Variants in CLDN34 observed in about 807,000 individuals in gnomAD.
CLDN34 encodes claudin 34, also known as claudin-34.
For synonymous variants in CLDN34, 71 were observed against 65.0 expected (o/e 1.09, Z -0.45); for missense variants, 166 against 171.5 (o/e 0.97, Z 0.18).
chrX:9,968,125 A>T lies in CLDN34; in HGVS notation c.*123A>T, dbSNP rs1458085566. 3.1e-6 allele frequency: 2 copies of T among 653,048 alleles called. No homozygotes were observed. The highest frequency in any genetic ancestry group is 7.1e-5 in the East Asian group (2 of 28,296). 53.8% of individuals were successfully genotyped at this position (653,048 alleles called of 1,213,427 possible). A position where few individuals can be genotyped will look rare whatever the true frequency, so the allele number is the denominator to read the frequency against. ...CCGTGGCATGGGTAGTTTGGGACAG[A>T]AGGTGGCCAACTGCCTCCTTCTGTT... On this transcript the variant is annotated 3_prime_UTR_variant, in exon 1 of 1. Coordinates refer to ENST00000445307, the MANE Select transcript of CLDN34 (RefSeq NM_001195081.2).
rs1469472045 is a variant in CLDN34 at position 9,967,822 on chromosome X, A to C, written c.465A>C (p.Ser155=). The C allele has an allele frequency of 1.7e-6, 2 of 1,155,400 alleles. No individual in the cohort carries two copies. Among genetic ancestry groups the C allele is most frequent in the Non-Finnish European group, 2.3e-6 (2 of 872,648 alleles). ...AGAACTACGATGCCGTCATAAACTC[A>C]CAGGGGATCACCTTCCTGCCATCTC... The part of the protein sequence containing the change: ...VLQNYDAVIN[S]QGITFLPSLQ... The change falls in exon 1 of 1, where the codon TCA becomes TCC. Residue 155 remains serine, a synonymous_variant. Coordinates refer to ENST00000445307, the MANE Select transcript of CLDN34 (RefSeq NM_001195081.2).
chrX:9,967,445 G>A lies in CLDN34; in HGVS notation c.88G>A (p.Gly30Ser), dbSNP rs1012476641. ...ATGGATCCTCTCCTCTACGTCCACGGGCCTCGTGGAGTGGCGAATATGGTA... is the reference window on the plus strand; with the variant it reads ...ATGGATCCTCTCCTCTACGTCCACGAGCCTCGTGGAGTGGCGAATATGGTA... ...IGWILSSTST[G>S]LVEWRIWYMK... is the part of the protein sequence containing the mutation. Residue 30 changes from glycine to serine, a missense_variant, in exon 1 of 1, where the codon GGC becomes AGC. By Grantham distance (56) the Gly-to-Ser change is moderately conservative (BLOSUM62 0). Coordinates refer to ENST00000445307, the MANE Select transcript of CLDN34 (RefSeq NM_001195081.2). 11 of 1,150,992 alleles carry A rather than the reference G, an allele frequency of 9.6e-6. No homozygotes were observed. Among genetic ancestry groups the A allele is most frequent in the Non-Finnish European group, 1.3e-5 (11 of 870,322 alleles). 94.9% of individuals were successfully genotyped at this position (1,150,992 alleles called of 1,213,427 possible). A position where few individuals can be genotyped will look rare whatever the true frequency, so the allele number is the denominator to read the frequency against.
Position 9,968,351 on chromosome X carries a change from C to T in CLDN34, c.*349C>T, listed in dbSNP as rs1010009787. 3.6e-6 allele frequency: 1 copy of T among 274,889 alleles called. No homozygotes were observed. Among genetic ancestry groups the T allele is most frequent in the Non-Finnish European group, 6.7e-6 (1 of 149,540 alleles). The allele number at this position is 274,889 out of a possible 1,213,427, so 22.7% of individuals were successfully genotyped here. On this transcript the variant is annotated 3_prime_UTR_variant, in exon 1 of 1. Transcript: ENST00000445307. The stretch of plus-strand genomic sequence containing the variant: ...TAACTTCTCACATTTCCCTCTTAAA[C>T]TTTTGCTACAAACAATCATAGGCCA...
Position 9,967,756 on chromosome X carries a change from C to A in CLDN34, c.399C>A (p.Leu133=), listed in dbSNP as rs766488797. ...TYNSFVVSGI[L]NIAAGVFNLI... ...ATTCATTCGTTGTTTCAGGAATTCT[C>A]AACATTGCTGCTGGTGTCTTTAACT... The change falls in exon 1 of 1, where the codon CTC becomes CTA. Residue 133 remains leucine, a synonymous_variant. Coordinates refer to ENST00000445307, the MANE Select transcript of CLDN34 (RefSeq NM_001195081.2). 1.0e-4 allele frequency: 116 copies of A among 1,153,751 alleles called. No individual in the cohort carries two copies. Among genetic ancestry groups the A allele is most frequent in the Non-Finnish European group, 1.3e-4 (113 of 872,410 alleles).
Position 9,967,746 on chromosome X carries a change from C to G in CLDN34, c.389C>G (p.Ser130Ter). 8.7e-7 allele frequency: 1 copy of G among 1,155,580 alleles called. No homozygotes were observed. Among genetic ancestry groups the G allele is most frequent in the Non-Finnish European group, 1.1e-6 (1 of 872,756 alleles). ...EEDTYNSFVV[S>*]GILNIAAGVF... is the part of the protein sequence containing the mutation. ...GACACCTACAATTCATTCGTTGTTT[C>G]AGGAATTCTCAACATTGCTGCTGGT... The change falls in exon 1 of 1, where the codon TCA (serine) becomes TGA (stop). Residue 130 changes from serine to a stop codon, truncating the protein, a stop_gained. Coordinates refer to ENST00000445307, the MANE Select transcript of CLDN34 (RefSeq NM_001195081.2). LOFTEE classifies it low-confidence loss of function (END_TRUNC).
At position 9,968,158 on chromosome X, in the gene CLDN34, G is replaced by A. The variant is rs1437065571; in HGVS notation, c.*156G>A. The A allele has an allele frequency of 1.9e-6, 1 of 526,977 alleles. No individual in the cohort carries two copies. Among genetic ancestry groups the A allele is most frequent in the Non-Finnish European group, 3.3e-6 (1 of 300,461 alleles). The allele number at this position is 526,977 out of a possible 1,213,427, so 43.4% of individuals were successfully genotyped here. Reference sequence around the variant, plus strand: ...CAACTGCCTCCTTCTGTTATCTTGTGTATCTGAATGTGGCTCACTGATTTG... The same window carrying A: ...CAACTGCCTCCTTCTGTTATCTTGTATATCTGAATGTGGCTCACTGATTTG... On this transcript the variant is annotated 3_prime_UTR_variant, in exon 1 of 1. Coordinates refer to ENST00000445307, the MANE Select transcript of CLDN34 (RefSeq NM_001195081.2).
chrX:9,967,862 A>G lies in CLDN34; in HGVS notation c.505A>G (p.Lys169Glu). Reference sequence around the variant, plus strand: ...CCTGCCATCTCTCCAAATGCCCTTCAAGCCAGATGTGCAGGAAGTTGGCAC... The same window carrying G: ...CCTGCCATCTCTCCAAATGCCCTTCGAGCCAGATGTGCAGGAAGTTGGCAC... ...TFLPSLQMPF[K>E]PDVQEVGTAI... The change falls in exon 1 of 1, where the codon AAG (lysine) becomes GAG (glutamate). Residue 169 changes from lysine to glutamate, a missense_variant. Coordinates refer to ENST00000445307, the MANE Select transcript of CLDN34 (RefSeq NM_001195081.2). 5 of 1,155,933 alleles carry G rather than the reference A, an allele frequency of 4.3e-6. 1 individual carries two copies. The highest frequency in any genetic ancestry group is 5.7e-6 in the Non-Finnish European group (5 of 872,954).
chrX:9,967,809 C>G lies in CLDN34; in HGVS notation c.452C>G (p.Ala151Gly). ...ATTGCTGTGCTCCAGAACTACGATG[C>G]CGTCATAAACTCACAGGGGATCACC... is the stretch of plus-strand genomic sequence containing the variant. ...NLIAVLQNYD[A>G]VINSQGITFL... is the part of the protein sequence containing the mutation. The change falls in exon 1 of 1, where the codon GCC (alanine) becomes GGC (glycine). Residue 151 changes from alanine (A) to glycine (G), a missense_variant. Physicochemically the swap from Ala to Gly is moderately conservative, Grantham distance 60. Transcript: ENST00000445307. 1 of 1,154,896 alleles carries G rather than the reference C, an allele frequency of 8.7e-7. No homozygotes were observed. Among genetic ancestry groups the G allele is most frequent in the Non-Finnish European group, 1.1e-6 (1 of 872,180 alleles).
In CLDN34 at chrX:9,967,361, G is replaced by T. The variant is rs1467021453; in HGVS notation, c.4G>T (p.Val2Phe). 6 of 1,148,215 alleles carry T rather than the reference G, an allele frequency of 5.2e-6. No homozygotes were observed. The allele number at this position is 1,148,215 out of a possible 1,213,427, so 94.6% of individuals were successfully genotyped here. A position where few individuals can be genotyped will look rare whatever the true frequency, so the allele number is the denominator to read the frequency against. ...GTTTCCTGGGTGCGCTGCCACCATG[G>T]TCTGGTTCTGCAACAGTGCCGACTG... MVWFCNSADCQF... is the reference protein window; with the variant it reads MFWFCNSADCQF... Residue 2 changes from valine (V) to phenylalanine (F), a missense_variant, in exon 1 of 1, where the codon GTC (valine) becomes TTC (phenylalanine). Val to Phe is a conservative substitution (Grantham distance 50, BLOSUM62 -1). Coordinates refer to ENST00000445307, the MANE Select transcript of CLDN34 (RefSeq NM_001195081.2).
chrX:9,968,247 G>C lies in CLDN34; in HGVS notation c.*245G>C, dbSNP rs185150460. 33 of 433,736 alleles carry C rather than the reference G, an allele frequency of 7.6e-5. No homozygotes were observed. Among genetic ancestry groups the C allele is most frequent in the African/African-American group, 6.7e-4 (27 of 40,555 alleles). The allele number at this position is 433,736 out of a possible 1,213,427, so 35.7% of individuals were successfully genotyped here. The stretch of plus-strand genomic sequence containing the variant: ...CCTGCCAGTTGGTCTTATTGCATCT[G>C]AATTTTAATTATTGTTGGCTACAGC... On this transcript the variant is annotated 3_prime_UTR_variant, in exon 1 of 1. Coordinates refer to ENST00000445307, the MANE Select transcript of CLDN34 (RefSeq NM_001195081.2).
In CLDN34 at chrX:9,967,714, T is replaced by C; in HGVS notation, c.357T>C (p.Phe119=). The change falls in exon 1 of 1, where the codon TTT becomes TTC. Residue 119 remains phenylalanine, a synonymous_variant. Coordinates refer to ENST00000445307, the MANE Select transcript of CLDN34 (RefSeq NM_001195081.2). ...FALRNMSMRM[F]EEDTYNSFVV... ...TTAGAAACATGTCCATGAGAATGTT[T>C]GAGGAGGACACCTACAATTCATTCG... The C allele has an allele frequency of 8.7e-7, 1 of 1,155,687 alleles. No individual in the cohort carries two copies. The highest frequency in any genetic ancestry group is 1.1e-6 in the Non-Finnish European group (1 of 872,692).
rs188858350 is a variant in CLDN34 at position 9,967,432 on chromosome X, C to A, written c.75C>A (p.Ser25=). Residue 25 remains serine (S), a synonymous_variant, in exon 1 of 1, where the codon TCC becomes TCA. Coordinates refer to ENST00000445307, the MANE Select transcript of CLDN34 (RefSeq NM_001195081.2). ...TTACCACCATAGGATGGATCCTCTCCTCTACGTCCACGGGCCTCGTGGAGT... is the reference window on the plus strand; with the variant it reads ...TTACCACCATAGGATGGATCCTCTCATCTACGTCCACGGGCCTCGTGGAGT... ...FALTTIGWIL[S]STSTGLVEWR... The A allele has an allele frequency of 6.4e-3, 7,371 of 1,153,163 alleles. 27 individuals are homozygous for A. Among genetic ancestry groups the A allele is most frequent in the Non-Finnish European group, 7.5e-3 (6,524 of 871,959 alleles).
Position 9,967,381 on chromosome X carries a change from C to T in CLDN34, c.24C>T (p.Ala8=). ...CCATGGTCTGGTTCTGCAACAGTGC[C>T]GACTGCCAATTTTCAGTCTTCGCCC... MVWFCNS[A]DCQFSVFALT... is the part of the protein sequence containing the mutation. The change falls in exon 1 of 1, where the codon GCC becomes GCT. Residue 8 remains alanine, a synonymous_variant. Coordinates refer to ENST00000445307, the MANE Select transcript of CLDN34 (RefSeq NM_001195081.2). 8.7e-6 allele frequency: 10 copies of T among 1,152,832 alleles called. No homozygotes were observed. The highest frequency in any genetic ancestry group is 1.9e-5 in the South Asian group (1 of 52,587).
In CLDN34 at chrX:9,967,856, C is replaced by T. The variant is rs1436142905; in HGVS notation, c.499C>T (p.Pro167Ser). The change falls in exon 1 of 1, where the codon CCC becomes TCC. Residue 167 changes from proline to serine, a missense_variant. Coordinates refer to ENST00000445307, the MANE Select transcript of CLDN34 (RefSeq NM_001195081.2). Reference sequence around the variant, plus strand: ...CACCTTCCTGCCATCTCTCCAAATGCCCTTCAAGCCAGATGTGCAGGAAGT... The same window carrying T: ...CACCTTCCTGCCATCTCTCCAAATGTCCTTCAAGCCAGATGTGCAGGAAGT... The part of the protein sequence containing the change: ...GITFLPSLQM[P>S]FKPDVQEVGT... The T allele has an allele frequency of 1.5e-5, 17 of 1,153,886 alleles. No homozygotes were observed. The highest frequency in any genetic ancestry group is 1.9e-5 in the Non-Finnish European group (17 of 872,588).
Position 9,968,031 on chromosome X carries a change from C to T in CLDN34, c.*29C>T. On this transcript the variant is annotated 3_prime_UTR_variant, in exon 1 of 1. Transcript: ENST00000445307. ...TCCTGGTTGCATTGGCTTTGCAAAT[C>T]TAAGATTTCTGGGAGTTTATGGAAA... The T allele has an allele frequency of 2.7e-6, 3 of 1,127,828 alleles. No homozygotes were observed. Among genetic ancestry groups the T allele is most frequent in the Non-Finnish European group, 3.5e-6 (3 of 847,396 alleles). The allele number at this position is 1,127,828 out of a possible 1,213,427, so 92.9% of individuals were successfully genotyped here. A position where few individuals can be genotyped will look rare whatever the true frequency, so the allele number is the denominator to read the frequency against.
chrX:9,967,964 C>T lies in CLDN34; in HGVS notation c.607C>T (p.Pro203Ser), dbSNP rs1201215367. ...GTTTTCTCTGTTTTACAAATGTCCC[C>T]CGTACGGCCAAGTGCATCCTGGTAT... ...GMFSLFYKCP[P>S]YGQVHPGISE... The change falls in exon 1 of 1, where the codon CCG becomes TCG. Residue 203 changes from proline (P) to serine (S), a missense_variant. Physicochemically the swap from Pro to Ser is moderately conservative, Grantham distance 74. Transcript: ENST00000445307. The T allele has an allele frequency of 8.7e-7, 1 of 1,154,225 alleles. No individual in the cohort carries two copies. Among genetic ancestry groups the T allele is most frequent in the Admixed American group, 2.6e-5 (1 of 38,703 alleles).
chrX:9,968,026 C>T lies in CLDN34; in HGVS notation c.*24C>T. 1 of 1,135,802 alleles carries T rather than the reference C, an allele frequency of 8.8e-7. No individual in the cohort carries two copies. Among genetic ancestry groups the T allele is most frequent in the Non-Finnish European group, 1.2e-6 (1 of 854,599 alleles). 93.6% of individuals were successfully genotyped at this position (1,135,802 alleles called of 1,213,427 possible). On this transcript the variant is annotated 3_prime_UTR_variant, in exon 1 of 1. Coordinates refer to ENST00000445307, the MANE Select transcript of CLDN34 (RefSeq NM_001195081.2). ...GAATTTCCTGGTTGCATTGGCTTTG[C>T]AAATCTAAGATTTCTGGGAGTTTAT...
In CLDN34 at chrX:9,967,586, T is replaced by C. The variant is rs2084911811; in HGVS notation, c.229T>C (p.Tyr77His). ...TTTKFCYRYS[Y>H]QDTFLPFEIS... The stretch of plus-strand genomic sequence containing the variant: ...AACCAAATTTTGTTACCGATACAGC[T>C]ACCAGGACACCTTTCTCCCTTTTGA... Residue 77 changes from tyrosine to histidine, a missense_variant, in exon 1 of 1, where the codon TAC becomes CAC. Physicochemically the swap from Tyr to His is moderately conservative, Grantham distance 83 (BLOSUM62 2). Transcript: ENST00000445307. 11 of 1,154,221 alleles carry C rather than the reference T, an allele frequency of 9.5e-6. No homozygotes were observed. The highest frequency in any genetic ancestry group is 1.3e-5 in the Non-Finnish European group (11 of 872,579).
In CLDN34 at chrX:9,967,695, A is replaced by G. The variant is rs1156894390; in HGVS notation, c.338A>G (p.Asn113Ser). Residue 113 changes from asparagine (N) to serine (S), a missense_variant, in exon 1 of 1, where the codon AAC (asparagine) becomes AGC (serine). By Grantham distance (46) the Asn-to-Ser change is conservative (BLOSUM62 1). Coordinates refer to ENST00000445307, the MANE Select transcript of CLDN34 (RefSeq NM_001195081.2). ...GCCTTTAACATGTTTGCACTTAGAA[A>G]CATGTCCATGAGAATGTTTGAGGAG... is the stretch of plus-strand genomic sequence containing the variant. ...GRAFNMFALR[N>S]MSMRMFEEDT... The G allele has an allele frequency of 8.7e-7, 1 of 1,155,309 alleles. No homozygotes were observed. The highest frequency in any genetic ancestry group is 1.1e-6 in the Non-Finnish European group (1 of 872,473).
Sources: allele counts gnomAD v4.1 joint callset, GRCh38; gene constraint gnomAD v4.1.1; transcripts MANE v1.5; gene names NCBI Gene and HGNC (gene_info 2026-07-23, HGNC 2026-07-21).